The following AP1S2 variants were observed in gnomAD, a reference collection of about 807,000 sequenced individuals.
AP1S2 encodes the protein adaptor related protein complex 1 subunit sigma 2.
In AP1S2, 1 loss-of-function variant was observed where a neutral mutation model predicts 14.3. The ratio of observed to expected loss-of-function variants is 0.07; its 90% CI spans 0.02 to 0.33. The LOEUF is 0.33. Ranked by LOEUF, AP1S2 falls within the 10% of genes least tolerant of loss-of-function variation. The pLI is 0.99. For missense variants in AP1S2, 30 were observed against 117.7 expected (o/e 0.25, Z 3.45); for synonymous variants, 30 against 40.5 (o/e 0.74, Z 0.99).
chrX:15,838,131 C>T (rs953875311), intron 4 of AP1S2, among the ~76,000 whole-genome samples: 1 of 111,347 alleles, frequency 9.0e-6, no homozygotes, highest in African/African-American at 3.3e-5. Context: ...CAGATAATTC[C>T]GCGTTCTAAG....
chrX:15,826,953 C>A lies in AP1S2; in HGVS notation c.*372G>T. ...TTTGGTTTCATAAAACCAGGTTTCA[C>A]ATTATAATTTAAGAGTTTCCTTTGT... On this transcript the variant is annotated 3_prime_UTR_variant, in exon 6 of 6. Transcript: ENST00000672987. 1 of 125,550 alleles carries A rather than the reference C, an allele frequency of 8.0e-6. No homozygotes were observed. 10.3% of individuals were successfully genotyped at this position (125,550 alleles called of 1,213,427 possible). A position where few individuals can be genotyped will look rare whatever the true frequency, so the allele number is the denominator to read the frequency against.
intron 4 of AP1S2, among the ~76,000 whole-genome samples, chrX:15,834,431 C>T (rs1933533647): frequency 1.8e-5 from 1 of 55,396 alleles, no homozygotes. Flanking sequence ...TCCCATTCTC[C>T]CTTCCAAAAT....
At position 15,854,729 on chromosome X, in the gene AP1S2, C is replaced by A; in HGVS notation, c.-42G>T. The stretch of plus-strand genomic sequence containing the variant: ...GGGCGCGGCGGAGCTTGGCCGGCGG[C>A]GGCGGCGGCGGCGAAGGGGAAGCCC... On this transcript the variant is annotated 5_prime_UTR_variant, in exon 1 of 6. Coordinates refer to ENST00000672987, the MANE Select transcript of AP1S2 (RefSeq NM_001272071.2). 1 of 798,040 alleles carries A rather than the reference C, an allele frequency of 1.3e-6. No individual in the cohort carries two copies. The highest frequency in any genetic ancestry group is 1.5e-6 in the Non-Finnish European group (1 of 667,772). The allele number at this position is 798,040 out of a possible 1,213,427, so 65.8% of individuals were successfully genotyped here. A position where few individuals can be genotyped will look rare whatever the true frequency, so the allele number is the denominator to read the frequency against.
chrX:15,845,059 ACTTACTGCTACTTTCAGCCAAT>A lies in AP1S2; in HGVS notation c.426+298_426+319del, dbSNP rs1933960137. ...TGAAGCAATAGATGGAGAGTTCTCA[ACTTACTGCTACTTTCAGCCAAT>A]CTTTTCCCTTCTTCAAATAGTCTGT... On this transcript the variant is annotated intron_variant, in intron 4 of 5. Transcript: ENST00000672987. The A allele has an allele frequency of 6.7e-6, 5 of 749,763 alleles. No individual in the cohort carries two copies. In the South Asian group the frequency reaches 3.4e-4, roughly 51 times the overall value. 61.8% of individuals were successfully genotyped at this position (749,763 alleles called of 1,213,427 possible). A position where few individuals can be genotyped will look rare whatever the true frequency, so the allele number is the denominator to read the frequency against.
intron 4 of AP1S2, among the ~76,000 whole-genome samples, chrX:15,834,892 G>A: frequency 9.0e-6 from 1 of 110,628 alleles, no homozygotes; most frequent in Admixed American, 9.7e-5. Flanking sequence ...CCTACAAAAA[G>A]GACCAGATGT....
rs1236001434 is a variant in AP1S2 at position 15,831,500 on chromosome X, CTG to C, written c.427-3302_427-3301del. The C allele has an allele frequency of 5.5e-6, 4 of 724,924 alleles. No individual in the cohort carries two copies. The African/African-American group carries it at 9.6e-5, about 17-fold the overall frequency. The allele number at this position is 724,924 out of a possible 1,213,427, so 59.7% of individuals were successfully genotyped here. On this transcript the variant is annotated intron_variant, in intron 4 of 5. Transcript: ENST00000672987. ...TATGTATATCAGCATTCTATTTCCT[CTG>C]TGAAATTCTGCATACTCGATGAGTA...
At chrX:15,850,704 C>T (rs1292884897) in intron 2 of AP1S2, among the ~76,000 whole-genome samples, 2 of 109,943 alleles carry the variant, frequency 1.8e-5, no homozygotes, top group Non-Finnish European at 3.8e-5. Flanking sequence ...GCCCTCCTTT[C>T]TAGCGCCTGG....
At chrX:15,852,608 G>C in intron 1 of AP1S2, 84 bp from the exon 2 acceptor site, 1 of 890,713 alleles carries the variant, frequency 1.1e-6, no homozygotes, top group Non-Finnish European at 1.6e-6. Context: ...AGAAGTTTTG[G>C]GGGATGGGGC....
At position 15,840,350 on chromosome X, in the gene AP1S2, C is replaced by T. The variant is rs1024539417; in HGVS notation, c.426+5029G>A. 2.9e-5 allele frequency: 6 copies of T among 208,272 alleles called. No individual in the cohort carries two copies. The Admixed American group carries it at 3.6e-4, about 13-fold the overall frequency. 17.2% of individuals were successfully genotyped at this position (208,272 alleles called of 1,213,427 possible). A position where few individuals can be genotyped will look rare whatever the true frequency, so the allele number is the denominator to read the frequency against. ...CTAATCAACACCATCATGCATCAAC[C>T]GCTAAGGGTTAAAGCCCAAATGCCC... On this transcript the variant is annotated intron_variant, in intron 4 of 5. Coordinates refer to ENST00000672987, the MANE Select transcript of AP1S2 (RefSeq NM_001272071.2).
chrX:15,843,709 G>A (rs1227206334), intron 4 of AP1S2, among the ~76,000 whole-genome samples: 5 of 112,016 alleles, frequency 4.5e-5, no homozygotes, highest in Non-Finnish European at 7.5e-5. Flanking sequence ...GCAGAATACA[G>A]ATCTGTGACA....
chrX:15,834,481 A>ATATATATAT (rs1569080380), intron 4 of AP1S2, among the ~76,000 whole-genome samples: 15 of 12,984 alleles, frequency 1.2e-3, no homozygotes, highest in African/African-American at 1.7e-3. Flanking sequence ...TATATATATA[A>ATATATATAT]TTTTTTTTTT....
intron 4 of AP1S2, among the ~76,000 whole-genome samples, chrX:15,836,412 C>T (rs1429751712): frequency 1.8e-5 from 2 of 112,115 alleles, no homozygotes; most frequent in Non-Finnish European, 3.8e-5. Flanking sequence ...ATGTTTTCTG[C>T]CATCTTTTTC....
At chrX:15,853,208 AG>A (rs1286482318) in intron 1 of AP1S2, among the ~76,000 whole-genome samples, 2 of 112,826 alleles carry the variant, frequency 1.8e-5, no homozygotes, top group Non-Finnish European at 3.7e-5. Context: ...AACGTTTAAA[AG>A]GCCACAATAA....
intron 4 of AP1S2, chrX:15,830,291 A>G: frequency 1.3e-6 from 1 of 752,120 alleles, no homozygotes; most frequent in Non-Finnish European, 1.6e-6. Context: ...AATAGAAATG[A>G]AAGACCAATG....
At chrX:15,846,484 T>G (rs1380732085) in intron 2 of AP1S2, among the ~76,000 whole-genome samples, 1 of 111,314 alleles carries the variant, frequency 9.0e-6, no homozygotes, top group Admixed American at 9.6e-5. Context: ...AGAGAAGACC[T>G]TAAGTCCTAC....
At chrX:15,834,923 A>G (rs571279244) in intron 4 of AP1S2, among the ~76,000 whole-genome samples, 1 of 111,370 alleles carries the variant, frequency 9.0e-6, no homozygotes, top group African/African-American at 3.3e-5. Context: ...GTAGGATGAC[A>G]AACAGCAGAG....
At position 15,840,669 on chromosome X, in the gene AP1S2, TC is replaced by T. The variant is rs1933801656; in HGVS notation, c.426+4709del. 1.3e-5 allele frequency: 7 copies of T among 549,734 alleles called. No individual in the cohort carries two copies. The Admixed American group carries it at 1.3e-4, about 10-fold the overall frequency. 45.3% of individuals were successfully genotyped at this position (549,734 alleles called of 1,213,427 possible). A position where few individuals can be genotyped will look rare whatever the true frequency, so the allele number is the denominator to read the frequency against. The stretch of plus-strand genomic sequence containing the variant: ...AAAAGCCATACTATTATTTCCTTTG[TC>T]ATTATATATGTGTGTGTTTAAATAA... On this transcript the variant is annotated intron_variant, in intron 4 of 5. Transcript: ENST00000672987.
intron 4 of AP1S2, among the ~76,000 whole-genome samples, chrX:15,838,911 C>T (rs1180541015): frequency 9.0e-6 from 1 of 110,624 alleles, no homozygotes; most frequent in Admixed American, 9.6e-5. Flanking sequence ...CCACGCCCAG[C>T]TAATTTTTGT....
chrX:15,848,815 C>A (rs1279908536), intron 2 of AP1S2, among the ~76,000 whole-genome samples: 2 of 112,082 alleles, frequency 1.8e-5, no homozygotes, highest in African/African-American at 6.5e-5. Context: ...GACTTCTCCG[C>A]AGTCAGCTAA....
Sources: gnomAD v4.1 joint callset for allele counts (sites outside exome capture counted in the v4.1 genomes callset) on GRCh38, gnomAD v4.1.1 for gene constraint, MANE v1.5 for transcripts, NCBI Gene and HGNC (gene_info 2026-07-23, HGNC 2026-07-21) for gene names.